XKR9: variants seen among roughly 807,000 people sequenced by gnomAD.
XKR9 encodes the protein XK related 9, also known as XK-related protein 9.
A neutral mutation model predicts 32.0 loss-of-function variants in XKR9; 32 were observed. The observed-to-expected ratio is 1.00, with a 90% CI of 0.76 to 1.34. The LOEUF (loss-of-function observed/expected upper bound fraction) is 1.34. Ranked by LOEUF, XKR9 falls within the 40% of genes most tolerant of loss-of-function variation. The pLI is 0.00. For synonymous variants in XKR9, 168 were observed against 143.4 expected (o/e 1.17, Z -1.22); for missense variants, 546 against 429.7 (o/e 1.27, Z -2.39).
the XKR9 span, among the ~76,000 whole-genome samples, chr8:70,921,730 C>T: frequency 6.6e-6 from 1 of 152,288 alleles, no homozygotes; most frequent in South Asian, 2.1e-4. Context: ...GAGCGGCTGG[C>T]AGGCTTTCAG....
At chr8:70,870,424 G>C in the XKR9 span, among the ~76,000 whole-genome samples, 7 of 152,142 alleles carry the variant, frequency 4.6e-5, no homozygotes, top group Admixed American at 6.5e-5. Context: ...ATTGAAATCA[G>C]CCCAGACATC....
intron 3 of XKR9, among the ~76,000 whole-genome samples, chr8:70,699,470 G>A (rs945173204): frequency 6.6e-5 from 10 of 151,998 alleles, no homozygotes; most frequent in African/African-American, 2.2e-4. Context: ...ATGAATTTCT[G>A]GGTTGAAAAT....
the XKR9 span, among the ~76,000 whole-genome samples, chr8:70,897,895 G>C: frequency 6.6e-6 from 1 of 151,966 alleles, no homozygotes; most frequent in Non-Finnish European, 1.5e-5. Flanking sequence ...TTTTGCTTTG[G>C]TTGCCTGTGC....
rs190573684 is a variant in XKR9 at position 70,755,825 on chromosome 8, G to A, written n.353-33514G>A. The stretch of plus-strand genomic sequence containing the variant: ...ACCTAATGCTAAATGACGAGTTAAT[G>A]GGTGCAGCACACCAGCATGGCACAT... On this transcript the variant is annotated intron_variant and non_coding_transcript_variant, in intron 2 of 3. Transcript: ENST00000520273. Among the ~76,000 whole-genome samples, 13 of 151,602 alleles carry A rather than the reference G, an allele frequency of 8.6e-5. No homozygotes were observed. In the East Asian group the frequency reaches 2.1e-3, roughly 25 times the overall value.
At chr8:70,900,391 A>C in the XKR9 span, among the ~76,000 whole-genome samples, 3 of 152,074 alleles carry the variant, frequency 2.0e-5, no homozygotes, top group Admixed American at 6.6e-5. Context: ...GGAGTTCAAG[A>C]CCAGCCTGGC....
At chr8:70,723,537 T>C (rs1806353139) in intron 4 of XKR9, among the ~76,000 whole-genome samples, 1 of 152,232 alleles carries the variant, frequency 6.6e-6, no homozygotes, top group South Asian at 2.1e-4. Context: ...TATTGCTTTC[T>C]GTTTGTTAGT....
rs1421443088 is a variant in XKR9 at position 70,681,009 on chromosome 8, T to C, written c.-50T>C. 22 of 1,546,410 alleles carry C rather than the reference T, an allele frequency of 1.4e-5. No homozygotes were observed. Among genetic ancestry groups the C allele is most frequent in the Non-Finnish European group, 1.9e-5 (22 of 1,148,398 alleles). ...TAATATTTGTTTGGCTTTTTTTCCC[T>C]TTTTGTGAGGGAGAAAAAAGTAGAT... On this transcript the variant is annotated 5_prime_UTR_variant, in exon 3 of 5. Transcript: ENST00000408926.
the XKR9 span, among the ~76,000 whole-genome samples, chr8:70,969,504 C>T: frequency 5.1e-4 from 78 of 152,218 alleles, 1 homozygote; most frequent in South Asian, 4.6e-3. Context: ...CTTTGGGTAT[C>T]CTGAATGTAA....
chr8:70,753,118 C>T (rs1318112690), intron 2 of XKR9, among the ~76,000 whole-genome samples: 10 of 152,214 alleles, frequency 6.6e-5, no homozygotes, highest in Admixed American at 1.3e-4. Flanking sequence ...AAACTACCAT[C>T]AGAGAATACT....
the XKR9 span, among the ~76,000 whole-genome samples, chr8:70,825,981 T>G: frequency 6.6e-6 from 1 of 152,134 alleles, no homozygotes; most frequent in East Asian, 1.9e-4. Flanking sequence ...ATTTATAATT[T>G]ATTTTGTAAT....
chr8:70,782,567 T>C (rs946638212), intron 2 of XKR9, among the ~76,000 whole-genome samples: 1 of 151,948 alleles, frequency 6.6e-6, no homozygotes, highest in Non-Finnish European at 1.5e-5. Context: ...CTTTTGATCA[T>C]AATCTTCCCA....
chr8:70,708,027 A>G (rs927019879), intron 4 of XKR9, among the ~76,000 whole-genome samples: 1 of 152,018 alleles, frequency 6.6e-6, no homozygotes, highest in Non-Finnish European at 1.5e-5. Flanking sequence ...CTCACATGTT[A>G]TATCAGTTAA....
chr8:70,983,819 TA>T, the XKR9 span, among the ~76,000 whole-genome samples: 1 of 149,802 alleles, frequency 6.7e-6, no homozygotes, highest in Admixed American at 6.6e-5. Context: ...ATAAATAAAA[TA>T]AAAAATAAAA....
At chr8:70,835,747 C>G in the XKR9 span, among the ~76,000 whole-genome samples, 4 of 151,934 alleles carry the variant, frequency 2.6e-5, no homozygotes, top group Admixed American at 2.0e-4. Flanking sequence ...AGTAGACTAC[C>G]TAAGGGCATA....
the XKR9 span, among the ~76,000 whole-genome samples, chr8:70,873,358 A>G: frequency 4.6e-3 from 695 of 152,320 alleles, 5 homozygotes; most frequent in Middle Eastern, 0.024. Context: ...TTACCGAGTA[A>G]GTCCTGTGAT....
Position 70,718,970 on chromosome 8 carries a change from CA to C in XKR9, c.493+11818del, listed in dbSNP as rs1369435245. ...CATTCTTATTTCTCCAGATACTCTC[CA>C]GCATCTGTTGTTTCTTGACTTTTTA... On this transcript the variant is annotated intron_variant, in intron 4 of 4. Coordinates refer to ENST00000408926, the MANE Select transcript of XKR9 (RefSeq NM_001011720.2). 1.4e-4 allele frequency among the ~76,000 whole-genome samples: 21 copies of C among 152,152 alleles called. 1 individual carries two copies. The highest frequency in any genetic ancestry group is 2.2e-4 in the Non-Finnish European group (15 of 68,022).
At chr8:70,833,020 A>G in the XKR9 span, among the ~76,000 whole-genome samples, 1 of 152,198 alleles carries the variant, frequency 6.6e-6, no homozygotes, top group Admixed American at 6.5e-5. Flanking sequence ...CCCCAGAACT[A>G]TATGATTATC....
the XKR9 span, among the ~76,000 whole-genome samples, chr8:71,019,269 A>G: frequency 6.6e-6 from 1 of 152,230 alleles, no homozygotes; most frequent in Admixed American, 6.5e-5. Context: ...AAGTCCTTGG[A>G]AATGATTTAG....
chr8:71,026,012 T>C, the XKR9 span, among the ~76,000 whole-genome samples: 1 of 152,166 alleles, frequency 6.6e-6, no homozygotes, highest in African/African-American at 2.4e-5. Context: ...CCTCTCCTCA[T>C]CCTCTGTTCT....
Sources: gnomAD v4.1 joint callset for allele counts (sites outside exome capture counted in the v4.1 genomes callset) on GRCh38, gnomAD v4.1.1 for gene constraint, MANE v1.5 for transcripts, NCBI Gene and HGNC (gene_info 2026-07-23, HGNC 2026-07-21) for gene names.